The following PCDH7 variants were observed in gnomAD, a reference collection of about 807,000 sequenced individuals.
PCDH7 encodes protocadherin-7.
Under a neutral mutation model 58.9 loss-of-function variants are expected in PCDH7, and 17 were observed. That is an observed-to-expected ratio of 0.29 (90% CI 0.20 to 0.43). The LOEUF is 0.43. PCDH7 is among the 20% of genes least tolerant of loss of function. The probability of loss-of-function intolerance (pLI) is 1.00; values close to 1 mark genes in which losing one functional copy is unlikely to be tolerated. For synonymous variants in PCDH7, 664 were observed against 616.4 expected, an observed-to-expected ratio of 1.08 and a Z score of -1.14; for missense variants, 1,274 against 1,441.0, an observed-to-expected ratio of 0.88 and a Z score of 1.88.
At chr4:31,136,981 CA>C (rs1719679628) in intron 3 of PCDH7, among the ~76,000 whole-genome samples, 1 of 152,030 alleles carries the variant, frequency 6.6e-6, no homozygotes, top group Non-Finnish European at 1.5e-5. Flanking sequence ...TAAAATAAAG[CA>C]TTTATTTAAT....
intron 1 of PCDH7, among the ~76,000 whole-genome samples, chr4:30,857,299 G>A (rs987781357): frequency 4.6e-5 from 7 of 152,050 alleles, no homozygotes; most frequent in African/African-American, 7.2e-5. Flanking sequence ...CTGTCTGGAT[G>A]CTGTTCTTAT....
At chr4:30,765,644 CA>C (rs1310106435) in intron 1 of PCDH7, among the ~76,000 whole-genome samples, 71 of 152,228 alleles carry the variant, frequency 4.7e-4, no homozygotes, top group African/African-American at 1.7e-3. Context: ...GCTTACATTT[CA>C]GTGTCTAATT....
At chr4:30,974,176 C>T (rs1450913957) in intron 3 of PCDH7, among the ~76,000 whole-genome samples, 1 of 147,424 alleles carries the variant, frequency 6.8e-6, no homozygotes, top group Non-Finnish European at 1.5e-5. Context: ...TTCTTTTTCT[C>T]TTTCTTTCTT....
At chr4:30,889,781 C>T (rs1410556919) in intron 1 of PCDH7, among the ~76,000 whole-genome samples, 3 of 152,174 alleles carry the variant, frequency 2.0e-5, no homozygotes, top group East Asian at 1.9e-4. Context: ...GTGACCTAAT[C>T]ATCTCCCAAT....
chr4:30,978,915 A>G (rs899224172), intron 3 of PCDH7, among the ~76,000 whole-genome samples: 1 of 152,154 alleles, frequency 6.6e-6, no homozygotes, highest in African/African-American at 2.4e-5. Context: ...AGGGGGCGAG[A>G]TAAATTAATT....
chr4:31,128,378 T>C (rs1452953965), intron 3 of PCDH7, among the ~76,000 whole-genome samples: 1 of 152,084 alleles, frequency 6.6e-6, no homozygotes, highest in African/African-American at 2.4e-5. Flanking sequence ...TCAAACTGTA[T>C]TAGGTTGGCA....
chr4:31,074,869 A>C (rs1758852976), intron 3 of PCDH7, among the ~76,000 whole-genome samples: 1 of 151,228 alleles, frequency 6.6e-6, no homozygotes, highest in Non-Finnish European at 1.5e-5. Context: ...GCCCACTGAT[A>C]CATTGCTCAT....
chr4:30,840,597 A>G (rs1200816791), intron 1 of PCDH7, among the ~76,000 whole-genome samples: 1 of 152,198 alleles, frequency 6.6e-6, no homozygotes, highest in Admixed American at 6.5e-5. Context: ...GAGAAAAAAA[A>G]TGGATTTCTC....
intron 3 of PCDH7, among the ~76,000 whole-genome samples, chr4:30,971,797 A>G (rs1202297978): frequency 6.6e-6 from 1 of 152,118 alleles, no homozygotes; most frequent in African/African-American, 2.4e-5. Context: ...CCCAGTCTCA[A>G]CAAAATATAC....
At chr4:30,883,616 GC>G (rs1737288839) in intron 1 of PCDH7, among the ~76,000 whole-genome samples, 1 of 152,128 alleles carries the variant, frequency 6.6e-6, no homozygotes, top group African/African-American at 2.4e-5. Context: ...AATAGTATTT[GC>G]TTTTACTTCA....
intron 1 of PCDH7, among the ~76,000 whole-genome samples, chr4:30,749,901 G>A (rs996953356): frequency 2.0e-5 from 3 of 152,106 alleles, no homozygotes; most frequent in South Asian, 2.1e-4. Context: ...ATTAGGTGCT[G>A]TAACTGTTTC....
intron 3 of PCDH7, among the ~76,000 whole-genome samples, chr4:31,110,930 A>T (rs76996941): frequency 6.6e-6 from 1 of 151,570 alleles, no homozygotes; most frequent in African/African-American, 2.4e-5. Context: ...AAAAAAAAAA[A>T]TTGAACACCA....
intron 1 of PCDH7, among the ~76,000 whole-genome samples, chr4:30,839,831 C>T (rs1214163956): frequency 6.6e-6 from 1 of 152,088 alleles, no homozygotes; most frequent in Non-Finnish European, 1.5e-5. Context: ...TGGAAACCTT[C>T]ATGTCTTTTT....
chr4:31,110,632 C>T (rs1257306317), intron 3 of PCDH7, among the ~76,000 whole-genome samples: 2 of 151,978 alleles, frequency 1.3e-5, no homozygotes, highest in East Asian at 3.9e-4. Flanking sequence ...CATTGAATAC[C>T]AGGCCGGGCG....
chr4:30,724,281 T>C (rs775760374), exon 1 of PCDH7: 1 of 1,613,598 alleles, frequency 6.2e-7, no homozygotes, highest in Non-Finnish European at 8.5e-7. Context: ...GCATTGTCAC[T>C]GTGGAGGCTT....
At chr4:30,765,426 G>T (rs1720620220) in intron 1 of PCDH7, among the ~76,000 whole-genome samples, 1 of 152,004 alleles carries the variant, frequency 6.6e-6, no homozygotes, top group African/African-American at 2.4e-5. Flanking sequence ...GCGTGTTTTA[G>T]TATTTTGGTG....
At chr4:30,731,359 G>GTATATATATA (rs947195769) in exon 2 of PCDH7, 4 of 149,422 alleles carry the variant, frequency 2.7e-5, no homozygotes, top group African/African-American at 1.0e-4. Context: ...GTGTGTGTGT[G>GTATATATATA]TGTATATATA....
intron 1 of PCDH7, among the ~76,000 whole-genome samples, chr4:30,899,365 T>C (rs1013453786): frequency 6.6e-6 from 1 of 152,218 alleles, no homozygotes; most frequent in Non-Finnish European, 1.5e-5. Context: ...ATTTTGTGTA[T>C]CTGGAAATTT....
intron 1 of PCDH7, among the ~76,000 whole-genome samples, chr4:30,763,139 C>G (rs2109270621): frequency 6.6e-6 from 1 of 152,276 alleles, no homozygotes; most frequent in South Asian, 2.1e-4. Flanking sequence ...AGGAGAATCG[C>G]TTGAACCTGG....
Sources: allele counts gnomAD v4.1 joint callset (sites outside exome capture counted in the v4.1 genomes callset), GRCh38; gene constraint gnomAD v4.1.1; transcripts MANE v1.5; gene names NCBI Gene and HGNC (gene_info 2026-07-23, HGNC 2026-07-21).